The following ZFHX3 variants were observed in gnomAD, a reference collection of about 807,000 sequenced individuals.
The protein encoded by ZFHX3 is zinc finger homeobox protein 3.
ZFHX3 carries 42 observed loss-of-function variants against 279.1 expected under a neutral mutation model. The observed-to-expected ratio is 0.15, with a 90% CI of 0.12 to 0.19. The LOEUF is 0.19. Ranked by LOEUF, ZFHX3 falls within the 10% of genes least tolerant of loss-of-function variation. ZFHX3 has a pLI of 1.00. For synonymous variants in ZFHX3, 2,293 were observed against 1,957.8 expected, an observed-to-expected ratio of 1.17 and a Z score of -4.52; for missense variants, 4,981 against 4,754.0, an observed-to-expected ratio of 1.05 and a Z score of -1.40.
intron 3 of ZFHX3, among the ~76,000 whole-genome samples, chr16:72,917,488 A>C (rs183091235): frequency 3.3e-5 from 5 of 152,370 alleles, no homozygotes; most frequent in Admixed American, 3.3e-4. Flanking sequence ...AAAAACTGGA[A>C]ACAAGCCGAC....
intron 5 of ZFHX3, among the ~76,000 whole-genome samples, chr16:73,186,491 A>G (rs943136149): frequency 6.6e-6 from 1 of 152,016 alleles, no homozygotes; most frequent in Non-Finnish European, 1.5e-5. Context: ...TGTGCAAGGT[A>G]TATAGTAGGT....
chr16:73,263,107 G>A (rs1360631511), intron 4 of ZFHX3, among the ~76,000 whole-genome samples: 2 of 152,010 alleles, frequency 1.3e-5, no homozygotes, highest in African/African-American at 4.8e-5. Context: ...TGGAGTGTTT[G>A]TTACACAGCG....
At chr16:73,180,619 C>T (rs1386529064) in intron 5 of ZFHX3, among the ~76,000 whole-genome samples, 1 of 152,154 alleles carries the variant, frequency 6.6e-6, no homozygotes, top group Non-Finnish European at 1.5e-5. Flanking sequence ...TCTGCTCTGC[C>T]ACCCTAGTCC....
rs536845432 is a variant in ZFHX3 at position 73,105,843 on chromosome 16, G to A, written c.-896-12245C>T. Among the ~76,000 whole-genome samples the A allele has an allele frequency of 2.5e-4, 38 of 152,070 alleles. 1 individual carries two copies. In the South Asian group the frequency reaches 7.5e-3, roughly 30 times the overall value. On this transcript the variant is annotated intron_variant, in intron 7 of 17. Transcript: ENST00000641206. ...TTCCAAGTCAAAAATTCTTTTCATG[G>A]CCCTCATGATCATCATGATCGAGAT...
At chr16:72,990,400 C>T (rs978886156) in intron 1 of ZFHX3, among the ~76,000 whole-genome samples, 1 of 152,200 alleles carries the variant, frequency 6.6e-6, no homozygotes, top group African/African-American at 2.4e-5. Context: ...ACACATCGTG[C>T]CCCTGCCTCC....
intron 2 of ZFHX3, among the ~76,000 whole-genome samples, chr16:73,658,450 G>T (rs2052745231): frequency 6.6e-6 from 1 of 152,142 alleles, no homozygotes; most frequent in South Asian, 2.1e-4. Context: ...TTATAGGCAT[G>T]CGCCACCACA....
At chr16:72,994,606 CA>C (rs1256428019) in intron 1 of ZFHX3, among the ~76,000 whole-genome samples, 10 of 152,236 alleles carry the variant, frequency 6.6e-5, no homozygotes, top group Non-Finnish European at 1.0e-4. Context: ...TGGCAGGGAG[CA>C]GCAGGCTCCC....
chr16:73,590,302 T>C (rs972394763), intron 2 of ZFHX3, among the ~76,000 whole-genome samples: 3 of 152,234 alleles, frequency 2.0e-5, no homozygotes, highest in African/African-American at 7.2e-5. Flanking sequence ...GTGTCTCTAA[T>C]TATTCTTTCC....
intron 5 of ZFHX3, among the ~76,000 whole-genome samples, chr16:73,249,589 C>A (rs1014257056): frequency 6.6e-6 from 1 of 152,114 alleles, no homozygotes; most frequent in African/African-American, 2.4e-5. Context: ...CCCACCAGGT[C>A]CCTCCTACAA....
At chr16:73,319,036 A>C (rs1205730042) in intron 3 of ZFHX3, among the ~76,000 whole-genome samples, 2 of 140,462 alleles carry the variant, frequency 1.4e-5, no homozygotes, top group Non-Finnish European at 3.1e-5. Flanking sequence ...CCACTGGTGC[A>C]TTTCTCAGGA....
At chr16:72,927,310 TTC>T (rs1052043489) in intron 3 of ZFHX3, among the ~76,000 whole-genome samples, 3 of 152,206 alleles carry the variant, frequency 2.0e-5, no homozygotes, top group African/African-American at 7.2e-5. Context: ...CTTGTCTTCC[TTC>T]TCTCTCAATT....
chr16:73,402,516 A>G (rs2017276776), intron 3 of ZFHX3: 1 of 152,226 alleles, frequency 6.6e-6, no homozygotes, highest in Non-Finnish European at 1.5e-5. Flanking sequence ...TTAACTCTGA[A>G]TTTCTCTACT....
chr16:72,936,113 G>A lies in ZFHX3; in HGVS notation c.3216+14356C>T, dbSNP rs77583759. Among the ~76,000 whole-genome samples, 140 of 152,336 alleles carry A rather than the reference G, an allele frequency of 9.2e-4. No individual in the cohort carries two copies. The East Asian group carries it at 0.016, about 17-fold the overall frequency. On this transcript the variant is annotated intron_variant, in intron 3 of 9. Transcript: ENST00000268489. Reference sequence around the variant, plus strand: ...GGGGTCAGTACAGGAACAGAGCTGTGTGTGAAGCTGATGGTAAATGACCTG... The same window carrying A: ...GGGGTCAGTACAGGAACAGAGCTGTATGTGAAGCTGATGGTAAATGACCTG...
At position 72,957,864 on chromosome 16, in the gene ZFHX3, C is replaced by T. The variant is rs569425024; in HGVS notation, c.2282G>A (p.Gly761Glu). The T allele has an allele frequency of 1.4e-5, 22 of 1,613,982 alleles. No individual in the cohort carries two copies. Among genetic ancestry groups the T allele is most frequent in the African/African-American group, 4.0e-5 (3 of 74,926 alleles). The change falls in exon 2 of 10, where the codon GGG (glycine) becomes GAG (glutamate). Residue 761 changes from glycine to glutamate, a missense_variant. By Grantham distance (98) the Gly-to-Glu change is moderately conservative. Around this residue, in one of 7 missense-constraint regions of ZFHX3, gnomAD observed 1,751 missense variants for 1,770.0 expected, o/e 0.99. Transcript: ENST00000268489. ...LNNMQNLQNG[G>E]GEQVFSHTAG... ...AGTGTGGCTGAAGACCTGCTCCCCC[C>T]CTCCATTCTGCAGGTTCTGCATGTT...
chr16:73,271,375 C>A (rs1242111256), intron 4 of ZFHX3, among the ~76,000 whole-genome samples: 1 of 152,220 alleles, frequency 6.6e-6, no homozygotes, highest in Non-Finnish European at 1.5e-5. Flanking sequence ...AGGTCACACC[C>A]CCTGCTCACT....
At chr16:73,105,990 G>A (rs1029349054) in intron 7 of ZFHX3, among the ~76,000 whole-genome samples, 7 of 129,436 alleles carry the variant, frequency 5.4e-5, no homozygotes, top group Admixed American at 1.0e-4. Flanking sequence ...CCTGCCGCCC[G>A]GAACGCCAGC....
chr16:73,359,443 C>G (rs2143308166), intron 3 of ZFHX3, among the ~76,000 whole-genome samples: 1 of 152,254 alleles, frequency 6.6e-6, no homozygotes, highest in African/African-American at 2.4e-5. Flanking sequence ...AAGGCTCAGT[C>G]TCAATGCTGT....
intron 3 of ZFHX3, among the ~76,000 whole-genome samples, chr16:73,403,010 G>A (rs184294461): frequency 1.3e-5 from 2 of 152,266 alleles, no homozygotes; most frequent in Non-Finnish European, 2.9e-5. Flanking sequence ...TGGAAGCAGA[G>A]AACATACACA....
chr16:72,864,025 G>A (rs1448344189), intron 4 of ZFHX3, among the ~76,000 whole-genome samples: 1 of 152,054 alleles, frequency 6.6e-6, no homozygotes, highest in Non-Finnish European at 1.5e-5. Context: ...GCTGAGGCAG[G>A]AGAATGGCGT....
Sources: gnomAD v4.1 joint callset for allele counts (sites outside exome capture counted in the v4.1 genomes callset) on GRCh38, gnomAD v4.1.1 for gene constraint, gnomAD v4.1.1 regional missense constraint, MANE v1.5 for transcripts, NCBI Gene and HGNC (gene_info 2026-07-23, HGNC 2026-07-21) for gene names.